Variants in IL17F observed in about 807,000 individuals in gnomAD.
IL17F encodes the protein interleukin 17F.
In IL17F, 6 loss-of-function variants were observed where a neutral mutation model predicts 8.3. The ratio of observed to expected loss-of-function variants is 0.73; its 90% CI spans 0.40 to 1.43. IL17F has a LOEUF of 1.43. IL17F is among the 40% of genes most tolerant of loss of function. The pLI, the probability that IL17F is intolerant of heterozygous loss-of-function variation, is 0.02. For missense variants in IL17F, 204 were observed against 209.6 expected (o/e 0.97, Z 0.17); for synonymous variants, 98 against 81.6 (o/e 1.20, Z -1.08).
intron 1 of IL17F, among the ~76,000 whole-genome samples, chr6:52,240,870 AT>A (rs1391127243): frequency 6.8e-6 from 1 of 147,362 alleles, no homozygotes; most frequent in Non-Finnish European, 1.5e-5. Flanking sequence ...CTTAGAAGCG[AT>A]GACTCTGTTT....
chr6:52,237,314 C>T, intron 2 of IL17F, 146 bp from the exon 3 acceptor site: 1 of 635,534 alleles, frequency 1.6e-6, no homozygotes, highest in Admixed American at 2.7e-5. Context: ...AGCCTGGAAG[C>T]ATACACCAGC....
chr6:52,240,521 GA>G (rs1764055729), intron 1 of IL17F, among the ~76,000 whole-genome samples: 1 of 151,430 alleles, frequency 6.6e-6, no homozygotes, highest in Non-Finnish European at 1.5e-5. Context: ...CACCTTCCAT[GA>G]GTTAAGGTAG....
intron 1 of IL17F, among the ~76,000 whole-genome samples, chr6:52,243,176 G>A (rs2128268684): frequency 6.6e-6 from 1 of 152,288 alleles, no homozygotes. Flanking sequence ...TATATGCCAT[G>A]AACCTTTTAT....
intron 2 of IL17F, among the ~76,000 whole-genome samples, chr6:52,237,401 T>G (rs889276830): frequency 1.3e-5 from 2 of 152,240 alleles, no homozygotes; most frequent in African/African-American, 4.8e-5. Context: ...CATTTTCTCA[T>G]GCAACTGTTG....
intron 1 of IL17F, among the ~76,000 whole-genome samples, chr6:52,243,025 T>G (rs1029321752): frequency 6.6e-6 from 1 of 152,142 alleles, no homozygotes; most frequent in African/African-American, 2.4e-5. Context: ...GATAAATAAC[T>G]TACCCAAAAA....
chr6:52,239,174 A>G (rs968365667), intron 1 of IL17F: 4 of 549,708 alleles, frequency 7.3e-6, no homozygotes, highest in Non-Finnish European at 1.3e-5. Flanking sequence ...AGCCCTCCAT[A>G]GTCTAAAAGC....
intron 2 of IL17F, among the ~76,000 whole-genome samples, chr6:52,237,804 G>A (rs1393691354): frequency 6.6e-6 from 1 of 152,084 alleles, no homozygotes; most frequent in African/African-American, 2.4e-5. Context: ...GACGGGCAGT[G>A]AGCCAAGGCC....
At position 52,237,211 on chromosome 6, in the gene IL17F, G is replaced by A. The variant is rs751869421; in HGVS notation, c.255-43C>T. 1.4e-5 allele frequency: 20 copies of A among 1,468,444 alleles called. No homozygotes were observed. In the South Asian group the frequency reaches 2.2e-4, roughly 16 times the overall value. The allele number at this position is 1,468,444 out of a possible 1,614,324, so 91.0% of individuals were successfully genotyped here. On this transcript the variant is annotated intron_variant, in intron 2 of 2. Transcript: ENST00000336123. The stretch of plus-strand genomic sequence containing the variant: ...CAAAGCACAATGGTGAGGCATGGGG[G>A]AGGAAGACAGCGAATGAGAGCCCCA...
chr6:52,237,221 G>A, intron 2 of IL17F, 53 bp from the exon 3 acceptor site: 2 of 1,332,636 alleles, frequency 1.5e-6, no homozygotes, highest in South Asian at 1.2e-5. Flanking sequence ...GAGGAAGACA[G>A]CGAATGAGAG....
At chr6:52,238,350 T>C (rs1481776072) in intron 2 of IL17F, among the ~76,000 whole-genome samples, 1 of 152,256 alleles carries the variant, frequency 6.6e-6, no homozygotes, top group African/African-American at 2.4e-5. Context: ...TAAATGATAA[T>C]GTCTAATCTG....
At position 52,236,811 on chromosome 6, in the gene IL17F, C is replaced by A. The variant is rs1210346811; in HGVS notation, c.*120G>T. 5 of 805,204 alleles carry A rather than the reference C, an allele frequency of 6.2e-6. No homozygotes were observed. In the African/African-American group the frequency reaches 8.4e-5, roughly 14 times the overall value. 49.9% of individuals were successfully genotyped at this position (805,204 alleles called of 1,614,324 possible). ...TGAATATTTTCTGTTTCCATCCGTG[C>A]AGGTCTTATTAAGAGTCCTGTGAAG... is the stretch of plus-strand genomic sequence containing the variant. On this transcript the variant is annotated 3_prime_UTR_variant, in exon 3 of 3. Coordinates refer to ENST00000336123, the MANE Select transcript of IL17F (RefSeq NM_052872.4).
chr6:52,236,806 C>T lies in IL17F; in HGVS notation c.*125G>A, dbSNP rs1763967327. The T allele has an allele frequency of 1.1e-5, 9 of 790,786 alleles. No individual in the cohort carries two copies. The Admixed American group carries it at 1.2e-4, about 10-fold the overall frequency. The allele number at this position is 790,786 out of a possible 1,614,324, so 49.0% of individuals were successfully genotyped here. A position where few individuals can be genotyped will look rare whatever the true frequency, so the allele number is the denominator to read the frequency against. ...CATTGTGAATATTTTCTGTTTCCATCCGTGCAGGTCTTATTAAGAGTCCTG... is the reference window on the plus strand; with the variant it reads ...CATTGTGAATATTTTCTGTTTCCATTCGTGCAGGTCTTATTAAGAGTCCTG... On this transcript the variant is annotated 3_prime_UTR_variant, in exon 3 of 3. Coordinates refer to ENST00000336123, the MANE Select transcript of IL17F (RefSeq NM_052872.4).
chr6:52,238,608 T>G (rs2128267736), intron 2 of IL17F, 122 bp downstream of exon 2: 3 of 919,622 alleles, frequency 3.3e-6, no homozygotes, highest in Middle Eastern at 3.1e-4. Flanking sequence ...AAGTGAAATT[T>G]TCATTGTTAA....
chr6:52,241,016 C>G (rs1469682747), intron 1 of IL17F, among the ~76,000 whole-genome samples: 2 of 152,260 alleles, frequency 1.3e-5, no homozygotes, highest in East Asian at 1.9e-4. Context: ...GTGGACTAGA[C>G]AGATGTGGAA....
At chr6:52,243,987 G>A (rs1215892392) in intron 1 of IL17F, among the ~76,000 whole-genome samples, 3 of 152,098 alleles carry the variant, frequency 2.0e-5, no homozygotes, top group Non-Finnish European at 2.9e-5. Context: ...TCAAACCCCT[G>A]ACCTCAAGTG....
At position 52,236,876 on chromosome 6, in the gene IL17F, A is replaced by T; in HGVS notation, c.*55T>A. 5.8e-6 allele frequency: 8 copies of T among 1,387,246 alleles called. No individual in the cohort carries two copies. The South Asian group carries it at 5.8e-5, about 10-fold the overall frequency. The allele number at this position is 1,387,246 out of a possible 1,614,324, so 85.9% of individuals were successfully genotyped here. A position where few individuals can be genotyped will look rare whatever the true frequency, so the allele number is the denominator to read the frequency against. ...GGTCAGACAGGACTTGTTGCAGAGC[A>T]CTGGGTAAGGAGTGGCATTTCTACA... On this transcript the variant is annotated 3_prime_UTR_variant, in exon 3 of 3. Coordinates refer to ENST00000336123, the MANE Select transcript of IL17F (RefSeq NM_052872.4).
chr6:52,241,777 G>C (rs916478040), intron 1 of IL17F, among the ~76,000 whole-genome samples: 3 of 152,162 alleles, frequency 2.0e-5, no homozygotes, highest in Non-Finnish European at 4.4e-5. Flanking sequence ...TAACTTGATT[G>C]GGTTCACCAG....
At chr6:52,241,707 GAGCT>G (rs1246408591) in intron 1 of IL17F, among the ~76,000 whole-genome samples, 1 of 152,142 alleles carries the variant, frequency 6.6e-6, no homozygotes, top group East Asian at 1.9e-4. Flanking sequence ...GAGGTAATCA[GAGCT>G]AGTATTAATT....
At chr6:52,242,363 T>C (rs1012026546) in intron 1 of IL17F, among the ~76,000 whole-genome samples, 1 of 152,222 alleles carries the variant, frequency 6.6e-6, no homozygotes, top group Non-Finnish European at 1.5e-5. Context: ...CATGTAAGCA[T>C]GCACCTGGCC....
Sources: gnomAD v4.1 joint callset for allele counts (sites outside exome capture counted in the v4.1 genomes callset) on GRCh38, gnomAD v4.1.1 for gene constraint, MANE v1.5 for transcripts, NCBI Gene and HGNC (gene_info 2026-07-23, HGNC 2026-07-21) for gene names.